The following HDAC9 variants were observed in gnomAD, a reference collection of about 807,000 sequenced individuals.
HDAC9 encodes histone deacetylase 9.
Under a neutral mutation model 139.4 loss-of-function variants are expected in HDAC9, and 41 were observed. The observed-to-expected ratio is 0.29, with a 90% CI of 0.23 to 0.38. The LOEUF (loss-of-function observed/expected upper bound fraction) is 0.38, where lower values mean the gene tolerates loss of function less well. Ranked by LOEUF, HDAC9 falls within the 10% of genes least tolerant of loss-of-function variation. HDAC9 has a pLI of 1.00. For synonymous variants in HDAC9, 517 were observed against 476.2 expected (o/e 1.09, Z -1.12); for missense variants, 1,147 against 1,297.0 (o/e 0.88, Z 1.78).
rs530384045 is a variant in HDAC9, at chr7:18,729,679, T to G, written c.1909+1922T>G. On this transcript the variant is annotated intron_variant, in intron 13 of 25. Coordinates refer to ENST00000686413, the MANE Select transcript of HDAC9 (RefSeq NM_178425.4). Reference sequence around the variant, plus strand: ...ACTAGGTCATTTCAGAGAGTTAGGTTTTTTTCCCCCTCATAATGTCAACAT... The same window carrying G: ...ACTAGGTCATTTCAGAGAGTTAGGTGTTTTTCCCCCTCATAATGTCAACAT... 5.2e-3 allele frequency among the ~76,000 whole-genome samples: 391 copies of G among 74,566 alleles called. 4 individuals are homozygous for G. Among genetic ancestry groups the G allele is most frequent in the African/African-American group, 0.038 (362 of 9,522 alleles). The allele number at this position is 74,566 out of a possible 152,430, so 48.9% of individuals were successfully genotyped here.
chr7:18,862,358 T>C (rs891507925), intron 21 of HDAC9, among the ~76,000 whole-genome samples: 1 of 152,210 alleles, frequency 6.6e-6, no homozygotes, highest in African/African-American at 2.4e-5. Flanking sequence ...CATATGACTT[T>C]AGAGTTAATC....
At chr7:18,414,749 G>A (rs531256576) in intron 1 of HDAC9, among the ~76,000 whole-genome samples, 218 of 152,262 alleles carry the variant, frequency 1.4e-3, no homozygotes, top group African/African-American at 4.8e-3. Flanking sequence ...CTTCTTAGAA[G>A]AAATTAAGAA....
At chr7:18,157,323 G>A (rs1206444585) in intron 1 of HDAC9, among the ~76,000 whole-genome samples, 2 of 152,052 alleles carry the variant, frequency 1.3e-5, no homozygotes, top group African/African-American at 4.8e-5. Flanking sequence ...ATCACAGATT[G>A]CCTGAAACCA....
intron 1 of HDAC9, among the ~76,000 whole-genome samples, chr7:18,138,163 A>AT (rs1182577656): frequency 6.6e-6 from 1 of 152,044 alleles, no homozygotes; most frequent in Non-Finnish European, 1.5e-5. Context: ...CCCCTTTATC[A>AT]TTTTTTATTG....
intron 1 of HDAC9, among the ~76,000 whole-genome samples, chr7:18,161,639 G>A (rs566783417): frequency 1.3e-5 from 2 of 152,244 alleles, no homozygotes; most frequent in South Asian, 4.1e-4. Flanking sequence ...CATCCTGTTA[G>A]TCTGACTCCT....
intron 1 of HDAC9, among the ~76,000 whole-genome samples, chr7:18,404,859 G>T (rs1032414138): frequency 6.6e-6 from 1 of 152,198 alleles, no homozygotes; most frequent in African/African-American, 2.4e-5. Flanking sequence ...ATAAAAAGAA[G>T]TACGATTATT....
intron 1 of HDAC9, among the ~76,000 whole-genome samples, chr7:18,347,395 T>A (rs931800384): frequency 6.6e-6 from 1 of 152,142 alleles, no homozygotes; most frequent in African/African-American, 2.4e-5. Context: ...GGGGAGGATG[T>A]TTTTCATAAT....
At chr7:18,830,018 A>G (rs1315701970) in intron 19 of HDAC9, among the ~76,000 whole-genome samples, 1 of 152,132 alleles carries the variant, frequency 6.6e-6, no homozygotes, top group African/African-American at 2.4e-5. Context: ...AAGATCTCCA[A>G]TCTCAGATGC....
rs926056714 is a variant in HDAC9, at chr7:18,999,516, G to C, written c.*3454G>C. On this transcript the variant is annotated 3_prime_UTR_variant, in exon 26 of 26. Transcript: ENST00000686413. ...TTGGTGCCCAGGCTGGAGTGCAATGGCGCAATCTCGACTCACTGCAACCTC... is the reference window on the plus strand; with the variant it reads ...TTGGTGCCCAGGCTGGAGTGCAATGCCGCAATCTCGACTCACTGCAACCTC... 2 of 152,202 alleles carry C rather than the reference G, an allele frequency of 1.3e-5. No homozygotes were observed. Among genetic ancestry groups the C allele is most frequent in the Non-Finnish European group, 2.9e-5 (2 of 68,068 alleles). The allele number at this position is 152,202 out of a possible 1,614,324, so 9.4% of individuals were successfully genotyped here. A position where few individuals can be genotyped will look rare whatever the true frequency, so the allele number is the denominator to read the frequency against.
chr7:18,433,093 C>G (rs1790837845), intron 1 of HDAC9, among the ~76,000 whole-genome samples: 1 of 152,042 alleles, frequency 6.6e-6, no homozygotes, highest in African/African-American at 2.4e-5. Context: ...CTTTAATATG[C>G]TCAAATCAAT....
chr7:18,200,356 T>G (rs986489096), intron 2 of HDAC9, among the ~76,000 whole-genome samples: 3 of 152,204 alleles, frequency 2.0e-5, no homozygotes, highest in Admixed American at 6.5e-5. Flanking sequence ...CCATTTTAGA[T>G]TTGAGAGGTT....
At chr7:18,849,388 T>G (rs1797122111) in intron 21 of HDAC9, among the ~76,000 whole-genome samples, 2 of 152,086 alleles carry the variant, frequency 1.3e-5, no homozygotes, top group South Asian at 4.1e-4. Flanking sequence ...CTATGACTAT[T>G]AAATGACTCA....
At position 18,762,145 on chromosome 7, in the gene HDAC9, A is replaced by G. The variant is rs1789445840; in HGVS notation, c.2044-12A>G. ...CAGTGGTGTACTGTTGGCTTCTGCT[A>G]TTTTCTTGCAGCGAATTCAAGGTCG... On this transcript the variant is annotated splice_polypyrimidine_tract_variant and intron_variant, in intron 14 of 25. Coordinates refer to ENST00000686413, the MANE Select transcript of HDAC9 (RefSeq NM_178425.4). 6.2e-7 allele frequency: 1 copy of G among 1,613,080 alleles called. No individual in the cohort carries two copies. Among genetic ancestry groups the G allele is most frequent in the African/African-American group, 1.3e-5 (1 of 74,824 alleles).
chr7:18,873,941 G>A (rs1799120316), intron 21 of HDAC9, among the ~76,000 whole-genome samples: 1 of 151,986 alleles, frequency 6.6e-6, no homozygotes. Context: ...ATTCTATTAA[G>A]GGAACTTTGT....
Position 18,875,652 on chromosome 7 carries a change from C to T in HDAC9, c.2803+1056C>T, listed in dbSNP as rs941962748. 6.6e-5 allele frequency among the ~76,000 whole-genome samples: 10 copies of T among 152,158 alleles called. No individual in the cohort carries two copies. The East Asian group carries it at 1.7e-3, about 26-fold the overall frequency. On this transcript the variant is annotated intron_variant, in intron 22 of 25. Transcript: ENST00000686413. Reference sequence around the variant, plus strand: ...ATTAAAAACATATTAAAACAGGAAACTCTACAAAGACAAACAAAGCAAAAT... The same window carrying T: ...ATTAAAAACATATTAAAACAGGAAATTCTACAAAGACAAACAAAGCAAAAT...
intron 1 of HDAC9, chr7:18,325,493 C>T (rs560016458): frequency 1.7e-4 from 26 of 151,942 alleles, no homozygotes; most frequent in South Asian, 6.2e-4. Context: ...TTAATTTTGC[C>T]GTTTTCTTTT....
chr7:18,949,138 GT>G (rs1782609672), intron 23 of HDAC9: 1 of 287,250 alleles, frequency 3.5e-6, no homozygotes, highest in South Asian at 3.5e-5. Flanking sequence ...GATGTTGATG[GT>G]TTTGAGTCTT....
At chr7:18,946,481 A>G (rs1197501401) in intron 23 of HDAC9, among the ~76,000 whole-genome samples, 1 of 152,174 alleles carries the variant, frequency 6.6e-6, no homozygotes. Context: ...TTTATCCACA[A>G]GAACTAACTG....
At chr7:18,902,602 G>A (rs1259572405) in intron 22 of HDAC9, among the ~76,000 whole-genome samples, 1 of 152,166 alleles carries the variant, frequency 6.6e-6, no homozygotes. Context: ...TTGCCTGTGA[G>A]CAACTGAAAC....
Sources: allele counts gnomAD v4.1 joint callset (sites outside exome capture counted in the v4.1 genomes callset), GRCh38; gene constraint gnomAD v4.1.1; transcripts MANE v1.5; gene names NCBI Gene and HGNC (gene_info 2026-07-23, HGNC 2026-07-21).